The following CRPPA variants were observed in gnomAD, a reference collection of about 807,000 sequenced individuals.
CRPPA encodes D-ribitol-5-phosphate cytidylyltransferase.
CRPPA carries 43 observed loss-of-function variants against 52.0 expected under a neutral mutation model. That is an observed-to-expected ratio of 0.83 (90% CI 0.65 to 1.07). The LOEUF (loss-of-function observed/expected upper bound fraction) is 1.07, where lower values mean the gene tolerates loss of function less well. CRPPA is among the 50% of genes least tolerant of loss of function. The pLI, the probability that CRPPA is intolerant of heterozygous loss-of-function variation, is 0.00. For missense variants in CRPPA, 629 were observed against 551.7 expected (o/e 1.14, Z -1.40); for synonymous variants, 250 against 203.5 (o/e 1.23, Z -1.94).
At chr7:16,270,077 ATTTAC>A (rs889372896) in intron 6 of CRPPA, 3 of 152,164 alleles carry the variant, frequency 2.0e-5, no homozygotes, top group African/African-American at 7.2e-5. Flanking sequence ...TTCTAAACAT[ATTTAC>A]TTTATGTGTA....
intron 9 of CRPPA, among the ~76,000 whole-genome samples, chr7:16,119,029 C>T (rs1782432395): frequency 6.6e-6 from 1 of 152,066 alleles, no homozygotes; most frequent in Non-Finnish European, 1.5e-5. Flanking sequence ...ACTTGTTTTG[C>T]CCGGTCTCCG....
chr7:16,256,315 C>T (rs535439165), intron 8 of CRPPA, among the ~76,000 whole-genome samples: 23 of 151,948 alleles, frequency 1.5e-4, no homozygotes, highest in African/African-American at 3.1e-4. Context: ...GAAATATGAA[C>T]GCTTTTACAC....
At chr7:16,197,252 TAA>T (rs1781760025) in intron 9 of CRPPA, among the ~76,000 whole-genome samples, 1 of 152,194 alleles carries the variant, frequency 6.6e-6, no homozygotes, top group Non-Finnish European at 1.5e-5. Flanking sequence ...ATATGTGATT[TAA>T]GTTTAAAACC....
chr7:16,210,487 G>A (rs1456080573), intron 9 of CRPPA: 2 of 152,150 alleles, frequency 1.3e-5, no homozygotes, highest in Non-Finnish European at 2.9e-5. Flanking sequence ...ATTCTATGAT[G>A]TTTCCAGACA....
At chr7:16,400,229 GAC>G (rs1002777688) in intron 2 of CRPPA, among the ~76,000 whole-genome samples, 27 of 93,930 alleles carry the variant, frequency 2.9e-4, no homozygotes, top group African/African-American at 9.0e-4. Flanking sequence ...ACACGTGGCT[GAC>G]ACAAGATCTA....
chr7:16,308,727 T>G (rs1185367174), intron 3 of CRPPA, 100 bp from the exon 4 acceptor site: 5 of 722,066 alleles, frequency 6.9e-6, no homozygotes, highest in Non-Finnish European at 1.2e-5. Context: ...AGGAAGGGCC[T>G]AGGGGGCTCA....
chr7:16,203,307 C>T (rs940848225), intron 9 of CRPPA, among the ~76,000 whole-genome samples: 1 of 152,052 alleles, frequency 6.6e-6, no homozygotes, highest in Non-Finnish European at 1.5e-5. Context: ...CCCTTATTCT[C>T]GTTCATGAAG....
intron 9 of CRPPA, among the ~76,000 whole-genome samples, chr7:16,092,776 T>C (rs1168959080): frequency 6.6e-6 from 1 of 152,238 alleles, no homozygotes; most frequent in Non-Finnish European, 1.5e-5. Context: ...GGATAAAGTC[T>C]GATCCCATTA....
chr7:16,267,441 T>G (rs1170368437), intron 6 of CRPPA, among the ~76,000 whole-genome samples: 1 of 152,238 alleles, frequency 6.6e-6, no homozygotes, highest in African/African-American at 2.4e-5. Context: ...AACTGATGCC[T>G]GGATCACACT....
At chr7:16,250,351 T>G (rs1252078971) in intron 8 of CRPPA, among the ~76,000 whole-genome samples, 1 of 152,070 alleles carries the variant, frequency 6.6e-6, no homozygotes, top group African/African-American at 2.4e-5. Flanking sequence ...AGGCCAACAT[T>G]CAAATTCAGG....
intron 3 of CRPPA, among the ~76,000 whole-genome samples, chr7:16,325,423 T>TAA (rs1785360894): frequency 6.6e-6 from 1 of 152,172 alleles, no homozygotes; most frequent in African/African-American, 2.4e-5. Flanking sequence ...ATTTTTCCAA[T>TAA]AACATGTCTT....
chr7:16,144,313 A>T (rs1782929798), intron 9 of CRPPA, among the ~76,000 whole-genome samples: 1 of 152,236 alleles, frequency 6.6e-6, no homozygotes, highest in Non-Finnish European at 1.5e-5. Flanking sequence ...TTCCTGAAGC[A>T]GTACTGTGAC....
chr7:16,258,009 G>A (rs749482867), intron 8 of CRPPA, among the ~76,000 whole-genome samples: 8 of 152,098 alleles, frequency 5.3e-5, no homozygotes, highest in African/African-American at 1.2e-4. Context: ...TTTCTTCCAC[G>A]AGGTTTTTTC....
chr7:16,179,639 T>C (rs1781372351), intron 9 of CRPPA, among the ~76,000 whole-genome samples: 1 of 152,166 alleles, frequency 6.6e-6, no homozygotes, highest in East Asian at 1.9e-4. Flanking sequence ...TGAGAAGGAA[T>C]GCAACCTGGC....
At chr7:16,176,147 G>T (rs989248592) in intron 9 of CRPPA, among the ~76,000 whole-genome samples, 1 of 152,000 alleles carries the variant, frequency 6.6e-6, no homozygotes, top group Non-Finnish European at 1.5e-5. Context: ...AAATCCGACT[G>T]CCCTTCAAAG....
intron 3 of CRPPA, among the ~76,000 whole-genome samples, chr7:16,350,522 A>G (rs190495956): frequency 1.3e-5 from 2 of 152,290 alleles, no homozygotes; most frequent in Admixed American, 6.5e-5. Context: ...TAGTTTGGGT[A>G]TGCAATCAAA....
chr7:16,106,502 C>A (rs1177516281), intron 9 of CRPPA, among the ~76,000 whole-genome samples: 1 of 152,206 alleles, frequency 6.6e-6, no homozygotes, highest in Non-Finnish European at 1.5e-5. Context: ...CAGAGCCCAA[C>A]CAGTAGCCCC....
At chr7:16,177,020 T>C (rs10266491) in intron 9 of CRPPA, among the ~76,000 whole-genome samples, 5,061 of 152,186 alleles carry the variant, frequency 0.033, 280 homozygotes, top group African/African-American at 0.12. Flanking sequence ...CTCAAATGCA[T>C]ATGCTAAGTG....
At chr7:16,206,466 T>C (rs936291182) in intron 9 of CRPPA, among the ~76,000 whole-genome samples, 5 of 152,134 alleles carry the variant, frequency 3.3e-5, no homozygotes, top group South Asian at 2.1e-4. Context: ...CTTGTGTTTC[T>C]GAACCCCTCT....
Sources: allele counts gnomAD v4.1 joint callset (sites outside exome capture counted in the v4.1 genomes callset), GRCh38; gene constraint gnomAD v4.1.1; transcripts MANE v1.5; gene names NCBI Gene and HGNC (gene_info 2026-07-23, HGNC 2026-07-21).